DPP10: variants seen among roughly 807,000 people sequenced by gnomAD.
DPP10 encodes the protein dipeptidyl peptidase like 10, also known as inactive dipeptidyl peptidase 10.
DPP10 carries 33 observed loss-of-function variants against 120.9 expected under a neutral mutation model. That is an observed-to-expected ratio of 0.27 (90% CI 0.21 to 0.37). DPP10 has a LOEUF of 0.37. Ranked by LOEUF, DPP10 falls within the 10% of genes least tolerant of loss-of-function variation. DPP10 has a pLI of 1.00. For synonymous variants in DPP10, 337 were observed against 326.1 expected, an observed-to-expected ratio of 1.03 and a Z score of -0.36; for missense variants, 816 against 942.8, an observed-to-expected ratio of 0.87 and a Z score of 1.76.
intron 5 of DPP10, among the ~76,000 whole-genome samples, chr2:115,654,453 T>A (rs2088103476): frequency 6.6e-6 from 1 of 151,902 alleles, no homozygotes; most frequent in Non-Finnish European, 1.5e-5. Context: ...TTCCTAATTA[T>A]TATTCAGGGA....
At chr2:115,797,392 A>G (rs1423501038) in intron 19 of DPP10, among the ~76,000 whole-genome samples, 1 of 151,966 alleles carries the variant, frequency 6.6e-6, no homozygotes, top group Non-Finnish European at 1.5e-5. Context: ...TTCCAACATC[A>G]TTTGATCTTC....
chr2:114,834,064 A>G (rs573800127), intron 1 of DPP10: 1 of 150,054 alleles, frequency 6.7e-6, no homozygotes, highest in Non-Finnish European at 1.5e-5. Flanking sequence ...CCATATCTAC[A>G]CACCTATGTA....
At chr2:115,431,907 G>A (rs544595382) in intron 3 of DPP10, among the ~76,000 whole-genome samples, 20 of 152,080 alleles carry the variant, frequency 1.3e-4, no homozygotes, top group Non-Finnish European at 2.5e-4. Flanking sequence ...TATCTTTAAA[G>A]TGGGATTTGG....
chr2:115,788,178 T>TG (rs1339799881), intron 17 of DPP10, among the ~76,000 whole-genome samples: 2 of 152,114 alleles, frequency 1.3e-5, no homozygotes, highest in Admixed American at 1.3e-4. Flanking sequence ...TAACTACAGC[T>TG]GTGATTAGAA....
At chr2:115,656,615 A>G (rs747285150) in intron 5 of DPP10, among the ~76,000 whole-genome samples, 19 of 151,734 alleles carry the variant, frequency 1.3e-4, no homozygotes, top group Admixed American at 1.3e-3. Context: ...CTATGATTAG[A>G]GATATTCATA....
intron 10 of DPP10, among the ~76,000 whole-genome samples, chr2:115,747,594 C>CTTTTTTT (rs3980905): frequency 7.8e-5 from 11 of 141,226 alleles, no homozygotes; most frequent in Non-Finnish European, 9.1e-5. Context: ...ATCCCCTTGT[C>CTTTTTTT]TTTTTTTTTT....
At chr2:114,622,794 C>T (rs138362480) in intron 1 of DPP10, among the ~76,000 whole-genome samples, 4 of 152,178 alleles carry the variant, frequency 2.6e-5, no homozygotes, top group Non-Finnish European at 5.9e-5. Context: ...TTGAGAAAGA[C>T]ATCATCAGAG....
At chr2:115,365,532 AT>A (rs929478225) in intron 3 of DPP10, among the ~76,000 whole-genome samples, 3 of 150,888 alleles carry the variant, frequency 2.0e-5, no homozygotes, top group Admixed American at 6.6e-5. Flanking sequence ...TTAAGAATTT[AT>A]TTTTTTTTCT....
chr2:115,789,620 T>C (rs1220633718), intron 17 of DPP10, among the ~76,000 whole-genome samples: 1 of 152,110 alleles, frequency 6.6e-6, no homozygotes, highest in Non-Finnish European at 1.5e-5. Context: ...ACTTAGCCAG[T>C]AAAGTGGGTA....
intron 1 of DPP10, among the ~76,000 whole-genome samples, chr2:114,742,117 A>C (rs1315761426): frequency 1.3e-5 from 2 of 152,220 alleles, no homozygotes; most frequent in African/African-American, 4.8e-5. Flanking sequence ...TATGTGCACA[A>C]TACTTACACA....
intron 5 of DPP10, among the ~76,000 whole-genome samples, chr2:115,610,728 A>C (rs935344653): frequency 3.3e-5 from 5 of 152,176 alleles, no homozygotes; most frequent in African/African-American, 1.2e-4. Context: ...GAGTAACCTG[A>C]CAATAAGCTA....
intron 1 of DPP10, among the ~76,000 whole-genome samples, chr2:114,528,817 C>A (rs904393420): frequency 6.6e-6 from 1 of 151,936 alleles, no homozygotes; most frequent in African/African-American, 2.4e-5. Flanking sequence ...ATCCTTGCAG[C>A]TCCTTCTTCC....
At chr2:114,936,165 G>A (rs1696451030) in intron 1 of DPP10, among the ~76,000 whole-genome samples, 3 of 151,778 alleles carry the variant, frequency 2.0e-5, no homozygotes, top group South Asian at 4.2e-4. Flanking sequence ...CCAAGTCCCC[G>A]AAGTCCATTG....
rs9677307 is a variant in DPP10 at position 115,526,152 on chromosome 2, A to G, written c.441+180A>G. On this transcript the variant is annotated intron_variant, in intron 5 of 25. Coordinates refer to ENST00000410059, the MANE Select transcript of DPP10 (RefSeq NM_020868.6). ...AAGATAATGTCCAAACATCTTCCAT[A>G]TCTGCACAGCAAATAATTGGGACAG... 4,087 of 504,714 alleles carry G rather than the reference A, an allele frequency of 8.1e-3. 48 individuals are homozygous for G. The highest frequency in any genetic ancestry group is 0.034 in the South Asian group (1,144 of 34,040). 31.3% of individuals were successfully genotyped at this position (504,714 alleles called of 1,614,324 possible).
intron 3 of DPP10, among the ~76,000 whole-genome samples, chr2:115,393,423 G>A (rs879285534): frequency 1.2e-4 from 18 of 152,000 alleles, no homozygotes; most frequent in Non-Finnish European, 1.8e-4. Context: ...AATGACCATC[G>A]AATGTTTTAG....
chr2:115,119,286 A>G (rs902738903), intron 1 of DPP10, among the ~76,000 whole-genome samples: 1 of 152,178 alleles, frequency 6.6e-6, no homozygotes, highest in Non-Finnish European at 1.5e-5. Context: ...TTTACTGTGC[A>G]TGCCTGAACC....
At chr2:114,909,851 A>T (rs548499648) in intron 1 of DPP10, among the ~76,000 whole-genome samples, 8 of 152,124 alleles carry the variant, frequency 5.3e-5, no homozygotes, top group African/African-American at 1.9e-4. Flanking sequence ...TTAAAAGGAT[A>T]TAAATATATG....
intron 5 of DPP10, among the ~76,000 whole-genome samples, chr2:115,566,139 A>G (rs1356450103): frequency 3.3e-5 from 5 of 152,136 alleles, no homozygotes; most frequent in Non-Finnish European, 5.9e-5. Context: ...GTGTTTTTCA[A>G]TGTGCAACAA....
chr2:114,953,892 C>A (rs969880224), intron 1 of DPP10, among the ~76,000 whole-genome samples: 3 of 151,862 alleles, frequency 2.0e-5, no homozygotes, highest in Non-Finnish European at 1.5e-5. Context: ...TTTGAAGCAA[C>A]AATTGCTTCA....
Sources: allele counts gnomAD v4.1 joint callset (sites outside exome capture counted in the v4.1 genomes callset), GRCh38; gene constraint gnomAD v4.1.1; transcripts MANE v1.5; gene names NCBI Gene and HGNC (gene_info 2026-07-23, HGNC 2026-07-21).